TOP6BL: variants seen among roughly 807,000 people sequenced by gnomAD.
TOP6BL encodes the protein type 2 DNA topoisomerase 6 subunit B-like.
the TOP6BL span, chr11:66,816,036 A>G: frequency 6.3e-7 from 1 of 1,575,248 alleles, no homozygotes; most frequent in Non-Finnish European, 8.6e-7. Flanking sequence ...AAATTCGTGT[A>G]ATATCTTGTC....
the TOP6BL span, chr11:66,800,927 C>G: frequency 8.1e-7 from 1 of 1,236,360 alleles, no homozygotes. Flanking sequence ...TTACTGAATT[C>G]TAGTAATCGC....
the TOP6BL span, among the ~76,000 whole-genome samples, chr11:66,772,403 G>T: frequency 6.6e-6 from 1 of 152,210 alleles, no homozygotes; most frequent in African/African-American, 2.4e-5. Flanking sequence ...ACCAGGAGTT[G>T]TAGGGTGCAG....
chr11:66,799,028 G>A, the TOP6BL span, among the ~76,000 whole-genome samples: 11 of 152,016 alleles, frequency 7.2e-5, no homozygotes, highest in African/African-American at 1.7e-4. Flanking sequence ...CCAACATGGC[G>A]AAACCCCGTC....
At chr11:66,763,078 C>T in the TOP6BL span, among the ~76,000 whole-genome samples, 1 of 152,176 alleles carries the variant, frequency 6.6e-6, no homozygotes, top group Non-Finnish European at 1.5e-5. Flanking sequence ...GTGGGGCATA[C>T]CTGTAGTCCC....
the TOP6BL span, among the ~76,000 whole-genome samples, chr11:66,794,810 T>G: frequency 2.0e-5 from 3 of 152,166 alleles, no homozygotes. Flanking sequence ...GGCATGTTGC[T>G]TAACTTCTCT....
the TOP6BL span, among the ~76,000 whole-genome samples, chr11:66,763,875 G>C: frequency 6.6e-6 from 1 of 152,078 alleles, no homozygotes; most frequent in Non-Finnish European, 1.5e-5. Context: ...CAAAACGTAG[G>C]GATTACAAGT....
the TOP6BL span, among the ~76,000 whole-genome samples, chr11:66,838,801 G>A: frequency 2.0e-5 from 3 of 151,992 alleles, no homozygotes; most frequent in South Asian, 2.1e-4. Context: ...GCGCCATCTC[G>A]GCTCACTGCA....
chr11:66,813,821 G>A, the TOP6BL span: 6 of 1,568,182 alleles, frequency 3.8e-6, no homozygotes, highest in Non-Finnish European at 5.3e-6. Flanking sequence ...TGAATACATA[G>A]TCATAAGATA....
the TOP6BL span, among the ~76,000 whole-genome samples, chr11:66,767,659 A>G: frequency 6.6e-6 from 1 of 152,202 alleles, no homozygotes; most frequent in Non-Finnish European, 1.5e-5. Flanking sequence ...ATAAGACTAG[A>G]TAAGAATACC....
chr11:66,783,198 TTAATA>T, the TOP6BL span, among the ~76,000 whole-genome samples: 4 of 152,058 alleles, frequency 2.6e-5, no homozygotes, highest in Non-Finnish European at 5.9e-5. Context: ...CCTAAACAGT[TTAATA>T]TAAAGAAAAA....
chr11:66,744,949 G>T, the TOP6BL span: 1 of 1,248,522 alleles, frequency 8.0e-7, no homozygotes, highest in Non-Finnish European at 1.0e-6. Flanking sequence ...GAAAGCGGAG[G>T]ACACTTTCTG....
the TOP6BL span, chr11:66,801,308 C>A: frequency 1.7e-6 from 1 of 585,526 alleles, no homozygotes; most frequent in South Asian, 2.1e-5. Flanking sequence ...TCTAAATGAC[C>A]TGAAGACATG....
the TOP6BL span, chr11:66,744,970 C>T: frequency 8.1e-7 from 1 of 1,240,674 alleles, no homozygotes; most frequent in Non-Finnish European, 1.0e-6. Context: ...AGGAGACGGG[C>T]TTTGTGAGGA....
At chr11:66,835,928 CAT>C in the TOP6BL span, among the ~76,000 whole-genome samples, 1 of 152,152 alleles carries the variant, frequency 6.6e-6, no homozygotes, top group East Asian at 1.9e-4. Context: ...ATTGCTGAGT[CAT>C]ATGATAACAC....
At chr11:66,810,973 A>G in the TOP6BL span, among the ~76,000 whole-genome samples, 1 of 152,172 alleles carries the variant, frequency 6.6e-6, no homozygotes, top group South Asian at 2.1e-4. Flanking sequence ...TCATTTATGT[A>G]GAGACAGGGT....
At chr11:66,813,815 T>C in the TOP6BL span, 1 of 1,535,524 alleles carries the variant, frequency 6.5e-7, no homozygotes, top group East Asian at 2.3e-5. Flanking sequence ...TACAAGTGAA[T>C]ACATAGTCAT....
At chr11:66,834,670 T>G in the TOP6BL span, among the ~76,000 whole-genome samples, 1 of 152,038 alleles carries the variant, frequency 6.6e-6, no homozygotes, top group Non-Finnish European at 1.5e-5. Flanking sequence ...AAGGTATTAT[T>G]TTTGTTTTTA....
chr11:66,754,582 A>T, the TOP6BL span, among the ~76,000 whole-genome samples: 1 of 152,192 alleles, frequency 6.6e-6, no homozygotes, highest in Non-Finnish European at 1.5e-5. Context: ...CTAAAAGGTG[A>T]TCTAATTGGG....
At chr11:66,801,112 T>TA in the TOP6BL span, 4 of 1,610,832 alleles carry the variant, frequency 2.5e-6, no homozygotes, top group African/African-American at 5.3e-5. Flanking sequence ...GGTGAAGGCG[T>TA]AAAGCCTTGT....
Sources: allele counts gnomAD v4.1 joint callset (sites outside exome capture counted in the v4.1 genomes callset), GRCh38; gene constraint gnomAD v4.1.1; transcripts MANE v1.5; gene names NCBI Gene and HGNC (gene_info 2026-07-23, HGNC 2026-07-21).